DRC9: variants seen among roughly 807,000 people sequenced by gnomAD.
DRC9 encodes dynein regulatory complex subunit 9.
At chr3:197,955,210 G>A in the DRC9 span, among the ~76,000 whole-genome samples, 2 of 152,012 alleles carry the variant, frequency 1.3e-5, no homozygotes, top group Non-Finnish European at 2.9e-5. Context: ...AACAGAGGAG[G>A]CTTTTACTCT....
chr3:197,933,522 A>G, the DRC9 span, among the ~76,000 whole-genome samples: 1 of 152,206 alleles, frequency 6.6e-6, no homozygotes, highest in African/African-American at 2.4e-5. Flanking sequence ...TAACTTTTTC[A>G]AAATTATGAA....
chr3:197,905,812 CA>C, the DRC9 span, among the ~76,000 whole-genome samples: 1 of 151,874 alleles, frequency 6.6e-6, no homozygotes, highest in Non-Finnish European at 1.5e-5. Flanking sequence ...GACTCAACAT[CA>C]GCAAGTCTAT....
chr3:197,926,101 C>A, the DRC9 span: 6 of 1,511,094 alleles, frequency 4.0e-6, no homozygotes, highest in East Asian at 2.3e-5. Flanking sequence ...CTTCCTTTTT[C>A]CTCCCTAGAA....
chr3:197,954,083 G>A, the DRC9 span: 1 of 1,614,180 alleles, frequency 6.2e-7, no homozygotes, highest in Non-Finnish European at 8.5e-7. Flanking sequence ...GGAAACAGTG[G>A]CATGGTTCGT....
the DRC9 span, chr3:197,914,014 T>C: frequency 6.2e-7 from 1 of 1,614,138 alleles, no homozygotes; most frequent in Non-Finnish European, 8.5e-7. Flanking sequence ...CAGTTGGTCC[T>C]TGAGGTTAGC....
chr3:197,904,729 G>A, the DRC9 span, among the ~76,000 whole-genome samples: 2,431 of 152,134 alleles, frequency 0.016, 68 homozygotes, highest in African/African-American at 0.055. Context: ...GCGTGGTGGC[G>A]CACACCTGTA....
chr3:197,951,288 C>T, the DRC9 span: 5 of 1,613,876 alleles, frequency 3.1e-6, no homozygotes, highest in African/African-American at 2.7e-5. Context: ...GCAAGAGATG[C>T]GCTTATGTAT....
At chr3:197,919,439 T>C in the DRC9 span, among the ~76,000 whole-genome samples, 2 of 152,276 alleles carry the variant, frequency 1.3e-5, no homozygotes, top group East Asian at 3.9e-4. Context: ...TAAGAAAAGA[T>C]TTGCCTTCAC....
At chr3:197,956,069 C>T in the DRC9 span, 20 of 389,102 alleles carry the variant, frequency 5.1e-5, no homozygotes, top group Middle Eastern at 2.5e-3. Context: ...AAGCAATCCT[C>T]CCTTGGCCTT....
At chr3:197,914,756 G>C in the DRC9 span, among the ~76,000 whole-genome samples, 1 of 152,202 alleles carries the variant, frequency 6.6e-6, no homozygotes, top group African/African-American at 2.4e-5. Context: ...TCGAGAGGCT[G>C]TGGGAGGAAA....
chr3:197,931,384 A>G, the DRC9 span, among the ~76,000 whole-genome samples: 2 of 151,880 alleles, frequency 1.3e-5, no homozygotes, highest in African/African-American at 4.8e-5. Flanking sequence ...TCGGAGGCTG[A>G]GGCAGGGGAA....
At chr3:197,889,680 C>T in the DRC9 span, 333 of 1,614,020 alleles carry the variant, frequency 2.1e-4, 1 homozygote, top group Non-Finnish European at 2.7e-4. Flanking sequence ...ACCAATTTCT[C>T]TCCGTATCAT....
chr3:197,912,036 G>A, the DRC9 span, among the ~76,000 whole-genome samples: 22,994 of 151,806 alleles, frequency 0.15, 2,232 homozygotes, highest in South Asian at 0.25. Flanking sequence ...TAAAAATTAT[G>A]TCTTTTTTTG....
At chr3:197,914,519 T>A in the DRC9 span, among the ~76,000 whole-genome samples, 1 of 152,358 alleles carries the variant, frequency 6.6e-6, no homozygotes, top group Admixed American at 6.5e-5. Context: ...GTGAAAACGC[T>A]TTCTTTTTGC....
the DRC9 span, chr3:197,913,698 A>C: frequency 5.7e-6 from 4 of 699,078 alleles, no homozygotes; most frequent in Admixed American, 2.2e-5. Context: ...AGCCCACTGG[A>C]ATCTCTGCTT....
chr3:197,951,423 C>T, the DRC9 span: 1 of 1,215,098 alleles, frequency 8.2e-7, no homozygotes, highest in Non-Finnish European at 1.2e-6. Context: ...ACTTGGTCTC[C>T]CTCACCGAAA....
At chr3:197,909,476 T>C in the DRC9 span, among the ~76,000 whole-genome samples, 2 of 152,284 alleles carry the variant, frequency 1.3e-5, no homozygotes, top group South Asian at 4.1e-4. Flanking sequence ...ACCATACACT[T>C]AGAGACAGAA....
chr3:197,941,881 C>G, the DRC9 span, among the ~76,000 whole-genome samples: 11 of 152,106 alleles, frequency 7.2e-5, no homozygotes, highest in Non-Finnish European at 1.3e-4. Context: ...AAGAATACAC[C>G]AGTCTCTTCT....
chr3:197,903,151 A>T, the DRC9 span, among the ~76,000 whole-genome samples: 1 of 152,204 alleles, frequency 6.6e-6, no homozygotes, highest in African/African-American at 2.4e-5. Flanking sequence ...ACTAGACTAG[A>T]CAGCTATCTC....
Sources: allele counts gnomAD v4.1 joint callset (sites outside exome capture counted in the v4.1 genomes callset), GRCh38; gene constraint gnomAD v4.1.1; transcripts MANE v1.5; gene names NCBI Gene and HGNC (gene_info 2026-07-23, HGNC 2026-07-21).